Variants in SLC25A26 observed in about 807,000 individuals in gnomAD.
SLC25A26 encodes solute carrier family 25 member 26.
Under a neutral mutation model 37.8 loss-of-function variants are expected in SLC25A26, and 36 were observed. The ratio of observed to expected loss-of-function variants is 0.95; its 90% CI spans 0.73 to 1.26. The LOEUF (loss-of-function observed/expected upper bound fraction) is 1.26, where lower values mean the gene tolerates loss of function less well. SLC25A26 is among the 50% of genes most tolerant of loss of function. The pLI is 0.00. For missense variants in SLC25A26, 390 were observed against 331.1 expected (o/e 1.18, Z -1.38); for synonymous variants, 129 against 122.5 (o/e 1.05, Z -0.35).
intron 2 of SLC25A26, among the ~76,000 whole-genome samples, chr3:66,239,139 C>G (rs1034336377): frequency 2.0e-5 from 3 of 152,174 alleles, no homozygotes; most frequent in African/African-American, 7.2e-5. Context: ...CATCTTCTCC[C>G]TTGTCATTTG....
At chr3:66,134,417 T>C (rs886818585) in intron 1 of SLC25A26, among the ~76,000 whole-genome samples, 1 of 152,232 alleles carries the variant, frequency 6.6e-6, no homozygotes, top group Non-Finnish European at 1.5e-5. Flanking sequence ...CATTGAGTTG[T>C]GTGTTTGTCA....
chr3:66,177,681 G>C (rs1481660512), intron 1 of SLC25A26, among the ~76,000 whole-genome samples: 1 of 152,242 alleles, frequency 6.6e-6, no homozygotes. Context: ...CCTGAACACT[G>C]TATGAAACCA....
intron 1 of SLC25A26, among the ~76,000 whole-genome samples, chr3:66,164,765 C>T (rs1343387487): frequency 6.6e-6 from 1 of 152,124 alleles, no homozygotes. Flanking sequence ...GGCTGTGGGC[C>T]ATAGTTTGCT....
chr3:66,175,129 A>G (rs1180132693), intron 1 of SLC25A26, among the ~76,000 whole-genome samples: 2 of 93,128 alleles, frequency 2.1e-5, no homozygotes, highest in African/African-American at 8.7e-5. Context: ...ATATATATAT[A>G]TATATATATA....
intron 1 of SLC25A26, among the ~76,000 whole-genome samples, chr3:66,186,169 G>A (rs958895876): frequency 1.4e-4 from 21 of 151,574 alleles, no homozygotes; most frequent in Non-Finnish European, 2.2e-4. Flanking sequence ...CTAAACCCGC[G>A]TGATATTGAC....
At chr3:66,307,819 G>A (rs1395421496) in intron 5 of SLC25A26, among the ~76,000 whole-genome samples, 4 of 152,098 alleles carry the variant, frequency 2.6e-5, no homozygotes, top group Non-Finnish European at 4.4e-5. Flanking sequence ...TAGATGTGTG[G>A]TGTTATTTCT....
intron 1 of SLC25A26, among the ~76,000 whole-genome samples, chr3:66,136,288 C>T (rs1039998768): frequency 6.6e-6 from 1 of 152,118 alleles, no homozygotes; most frequent in African/African-American, 2.4e-5. Context: ...AAAATGTATT[C>T]CAGATGTTCA....
At chr3:66,144,418 A>G (rs1169692690) in intron 1 of SLC25A26, among the ~76,000 whole-genome samples, 2 of 152,200 alleles carry the variant, frequency 1.3e-5, no homozygotes, top group Non-Finnish European at 1.5e-5. Flanking sequence ...GTCAGTGAGC[A>G]TGATATAGCA....
chr3:66,209,831 A>C (rs1365132562), intron 1 of SLC25A26, among the ~76,000 whole-genome samples: 4 of 123,644 alleles, frequency 3.2e-5, no homozygotes, highest in East Asian at 2.6e-4. Flanking sequence ...ACACACACAC[A>C]CCTTATATAT....
At chr3:66,283,761 C>G (rs567337796) in intron 5 of SLC25A26, among the ~76,000 whole-genome samples, 1 of 152,008 alleles carries the variant, frequency 6.6e-6, no homozygotes, top group South Asian at 2.1e-4. Context: ...TTAAATAGTC[C>G]AGAAAATAAA....
At chr3:66,299,545 CTA>C (rs2075010876) in intron 5 of SLC25A26, among the ~76,000 whole-genome samples, 1 of 152,112 alleles carries the variant, frequency 6.6e-6, no homozygotes, top group Admixed American at 6.6e-5. Flanking sequence ...CTTGTAAAAA[CTA>C]TGTTAACCCC....
chr3:66,158,917 A>C (rs577501555), intron 1 of SLC25A26, among the ~76,000 whole-genome samples: 2 of 152,244 alleles, frequency 1.3e-5, no homozygotes, highest in African/African-American at 4.8e-5. Flanking sequence ...CCAAGTGACC[A>C]GGTTCAACAG....
At chr3:66,174,851 C>T (rs1186377086) in intron 1 of SLC25A26, among the ~76,000 whole-genome samples, 1 of 150,562 alleles carries the variant, frequency 6.6e-6, no homozygotes, top group Non-Finnish European at 1.5e-5. Flanking sequence ...CAAAATATTG[C>T]TATGCAGAGG....
intron 6 of SLC25A26, among the ~76,000 whole-genome samples, chr3:66,352,847 A>G (rs779397483): frequency 7.9e-5 from 12 of 152,068 alleles, no homozygotes; most frequent in Non-Finnish European, 1.5e-4. Context: ...ATGTCACCTC[A>G]GAGAGACGTT....
intron 6 of SLC25A26, among the ~76,000 whole-genome samples, chr3:66,360,506 A>T (rs565427652): frequency 2.0e-5 from 3 of 151,036 alleles, no homozygotes; most frequent in South Asian, 2.1e-4. Context: ...TGAGCTTTAT[A>T]AAAAAAAAGC....
intron 5 of SLC25A26, among the ~76,000 whole-genome samples, chr3:66,278,804 A>G (rs1323011916): frequency 6.6e-6 from 1 of 152,206 alleles, no homozygotes; most frequent in Non-Finnish European, 1.5e-5. Context: ...CTTTCTGGAA[A>G]GACTTCTCTC....
chr3:66,344,034 A>G (rs974493176), intron 5 of SLC25A26, among the ~76,000 whole-genome samples: 5 of 152,162 alleles, frequency 3.3e-5, no homozygotes, highest in Non-Finnish European at 5.9e-5. Flanking sequence ...TAGCTTGTCA[A>G]ATTAGTCCAG....
At chr3:66,270,011 G>C (rs374894111) in intron 5 of SLC25A26, among the ~76,000 whole-genome samples, 3 of 152,138 alleles carry the variant, frequency 2.0e-5, no homozygotes, top group African/African-American at 7.2e-5. Context: ...CTTTAAGTTT[G>C]ACTTATTTTT....
intron 4 of SLC25A26, 67 bp from the exon 5 acceptor site, chr3:66,263,265 G>A: frequency 8.8e-7 from 1 of 1,130,792 alleles, no homozygotes; most frequent in Non-Finnish European, 1.3e-6. Context: ...TAGATCTGCT[G>A]TATACAGAAT....
Sources: allele counts gnomAD v4.1 joint callset (sites outside exome capture counted in the v4.1 genomes callset), GRCh38; gene constraint gnomAD v4.1.1; transcripts MANE v1.5; gene names NCBI Gene and HGNC (gene_info 2026-07-23, HGNC 2026-07-21).